The following ELMO1 variants were observed in gnomAD, a reference collection of about 807,000 sequenced individuals.
ELMO1 encodes the protein engulfment and cell motility protein 1.
In ELMO1, 26 loss-of-function variants were observed where a neutral mutation model predicts 98.9. That is an observed-to-expected ratio of 0.26 (90% CI 0.19 to 0.36). ELMO1 has a LOEUF of 0.36. ELMO1 is among the 10% of genes least tolerant of loss of function. The pLI is 1.00. For missense variants in ELMO1, 627 were observed against 935.2 expected (o/e 0.67, Z 4.30); for synonymous variants, 346 against 346.0 (o/e 1.00, Z 0.00).
rs6150082 is a variant in ELMO1, at chr7:37,161,905, AATATATATATATATATAT to A, written c.1087-28689_1087-28672del. On this transcript the variant is annotated intron_variant, in intron 13 of 21. Transcript: ENST00000310758. ...ATTATAGAAAGCCTTCAGGTAATCA[AATATATATATATATATAT>A]ATATATATATATGTTAAGCGTGATG... Among the ~76,000 whole-genome samples, 20 of 42,436 alleles carry A rather than the reference AATATATATATATATATAT, an allele frequency of 4.7e-4. 2 individuals are homozygous for A. The highest frequency in any genetic ancestry group is 3.4e-3 in the East Asian group (6 of 1,786). The allele number at this position is 42,436 out of a possible 152,430, so 27.8% of individuals were successfully genotyped here.
intron 13 of ELMO1, among the ~76,000 whole-genome samples, chr7:37,166,024 T>C (rs1355077624): frequency 6.6e-6 from 1 of 152,220 alleles, no homozygotes; most frequent in Non-Finnish European, 1.5e-5. Flanking sequence ...GCTCCTGTTA[T>C]TGGTCTATTC....
At chr7:37,341,750 T>C (rs1263052832) in intron 2 of ELMO1, among the ~76,000 whole-genome samples, 1 of 152,176 alleles carries the variant, frequency 6.6e-6, no homozygotes, top group Non-Finnish European at 1.5e-5. Flanking sequence ...ATGGAGAACA[T>C]AAAGATTGGA....
intron 15 of ELMO1, among the ~76,000 whole-genome samples, chr7:37,064,943 A>G (rs1796875140): frequency 6.6e-6 from 1 of 152,154 alleles, no homozygotes; most frequent in East Asian, 1.9e-4. Flanking sequence ...TATTCCCACC[A>G]TAGCCAATTC....
intron 14 of ELMO1, among the ~76,000 whole-genome samples, chr7:37,122,731 C>T (rs1176483476): frequency 6.6e-6 from 1 of 152,114 alleles, no homozygotes; most frequent in Non-Finnish European, 1.5e-5. Flanking sequence ...ATCAATGAGA[C>T]AGAAAGTTAA....
intron 16 of ELMO1, among the ~76,000 whole-genome samples, chr7:36,990,154 C>T (rs1031103273): frequency 2.0e-5 from 3 of 152,136 alleles, no homozygotes; most frequent in Non-Finnish European, 4.4e-5. Context: ...TCTTGTCCAG[C>T]GGTTTTGTTA....
chr7:36,876,749 G>C (rs369180711), intron 19 of ELMO1, among the ~76,000 whole-genome samples: 1 of 152,296 alleles, frequency 6.6e-6, no homozygotes, highest in African/African-American at 2.4e-5. Flanking sequence ...CTCATTTACA[G>C]GTAGAGGCCC....
At chr7:37,219,286 T>C (rs1793466747) in intron 10 of ELMO1, among the ~76,000 whole-genome samples, 1 of 152,188 alleles carries the variant, frequency 6.6e-6, no homozygotes, top group African/African-American at 2.4e-5. Context: ...CTTCTGACCA[T>C]GGTGGCATTT....
intron 4 of ELMO1, among the ~76,000 whole-genome samples, chr7:37,280,716 G>A (rs1562578584): frequency 6.6e-6 from 1 of 152,090 alleles, no homozygotes; most frequent in Non-Finnish European, 1.5e-5. Context: ...TATTGGCATG[G>A]ATGTGGTAAA....
intron 16 of ELMO1, among the ~76,000 whole-genome samples, chr7:36,987,472 G>A (rs1199899963): frequency 6.6e-6 from 1 of 152,140 alleles, no homozygotes; most frequent in Non-Finnish European, 1.5e-5. Flanking sequence ...AGAGAGAAAA[G>A]AATTACTCTC....
chr7:37,000,602 A>G (rs964199502), intron 16 of ELMO1, among the ~76,000 whole-genome samples: 1 of 152,190 alleles, frequency 6.6e-6, no homozygotes, highest in African/African-American at 2.4e-5. Flanking sequence ...TGTGAACGGC[A>G]TGATGTGTTC....
intron 7 of ELMO1, among the ~76,000 whole-genome samples, chr7:37,235,223 A>G (rs572664586): frequency 6.6e-6 from 1 of 152,316 alleles, no homozygotes; most frequent in South Asian, 2.1e-4. Context: ...AAATCCAAAT[A>G]TCAGATTGCA....
intron 16 of ELMO1, among the ~76,000 whole-genome samples, chr7:36,946,716 T>A (rs1787520214): frequency 6.6e-6 from 1 of 152,240 alleles, no homozygotes. Flanking sequence ...CTCTTCAGTC[T>A]TTTGGGAGTT....
In ELMO1 at chr7:37,329,803, A is replaced by G. The variant is rs74693442; in HGVS notation, c.78+12810T>C. On this transcript the variant is annotated intron_variant, in intron 2 of 21. Coordinates refer to ENST00000310758, the MANE Select transcript of ELMO1 (RefSeq NM_014800.11). The stretch of plus-strand genomic sequence containing the variant: ...TACCCCACACACATAATCAATCATC[A>G]ATTTTCTGTCAAATTAGTCTTCCCA... Among the ~76,000 whole-genome samples, 593 of 152,244 alleles carry G rather than the reference A, an allele frequency of 3.9e-3. 3 individuals carry two copies. Among genetic ancestry groups the G allele is most frequent in the African/African-American group, 0.013 (542 of 41,540 alleles).
At chr7:36,916,625 G>A (rs972173060) in intron 16 of ELMO1, among the ~76,000 whole-genome samples, 1 of 152,146 alleles carries the variant, frequency 6.6e-6, no homozygotes, top group Non-Finnish European at 1.5e-5. Context: ...CTTACATAGT[G>A]CCTAAAGTAC....
chr7:36,902,704 G>A (rs1783668199), intron 16 of ELMO1, among the ~76,000 whole-genome samples: 1 of 152,172 alleles, frequency 6.6e-6, no homozygotes, highest in South Asian at 2.1e-4. Context: ...GGGTGTCTTT[G>A]GTAAGTGATG....
intron 16 of ELMO1, among the ~76,000 whole-genome samples, chr7:36,998,808 C>T (rs1378814039): frequency 6.6e-6 from 1 of 151,736 alleles, no homozygotes; most frequent in African/African-American, 2.4e-5. Flanking sequence ...GTTATATTCT[C>T]GGTGTGGGCA....
chr7:36,973,289 C>CA (rs2129135459), intron 16 of ELMO1, among the ~76,000 whole-genome samples: 1 of 152,298 alleles, frequency 6.6e-6, no homozygotes, highest in African/African-American at 2.4e-5. Flanking sequence ...TTTTTCTCCC[C>CA]TAGCTGGCTA....
chr7:36,871,749 T>C (rs906436934), intron 19 of ELMO1, among the ~76,000 whole-genome samples: 1 of 152,180 alleles, frequency 6.6e-6, no homozygotes, highest in African/African-American at 2.4e-5. Context: ...CCTCAAAAGC[T>C]AACATTTTCC....
At chr7:37,205,957 C>T (rs894203034) in intron 13 of ELMO1, among the ~76,000 whole-genome samples, 3 of 152,190 alleles carry the variant, frequency 2.0e-5, no homozygotes, top group Admixed American at 6.5e-5. Context: ...CTCTCTGCAA[C>T]ATAAACATTG....
Sources: allele counts gnomAD v4.1 joint callset (sites outside exome capture counted in the v4.1 genomes callset), GRCh38; gene constraint gnomAD v4.1.1; transcripts MANE v1.5; gene names NCBI Gene and HGNC (gene_info 2026-07-23, HGNC 2026-07-21).